AMPH: variants seen among roughly 807,000 people sequenced by gnomAD.
AMPH encodes the protein amphiphysin (Stiff-Mann syndrome with breast cancer 128kD autoantigen).
A neutral mutation model predicts 99.1 loss-of-function variants in AMPH; 49 were observed. The ratio of observed to expected loss-of-function variants is 0.49; its 90% CI spans 0.39 to 0.63. The LOEUF (loss-of-function observed/expected upper bound fraction) is 0.63. AMPH is among the 20% of genes least tolerant of loss of function. AMPH has a pLI of 0.00. For missense variants in AMPH, 759 were observed against 863.4 expected, an observed-to-expected ratio of 0.88 and a Z score of 1.52; for synonymous variants, 314 against 317.3, an observed-to-expected ratio of 0.99 and a Z score of 0.11.
intron 1 of AMPH, among the ~76,000 whole-genome samples, chr7:38,604,825 C>A (rs892695879): frequency 6.6e-6 from 1 of 152,136 alleles, no homozygotes; most frequent in Non-Finnish European, 1.5e-5. Flanking sequence ...TTTTCTCACC[C>A]TTTTCTTCTC....
intron 11 of AMPH, among the ~76,000 whole-genome samples, chr7:38,458,885 A>G (rs1787334865): frequency 6.6e-6 from 1 of 152,178 alleles, no homozygotes; most frequent in Non-Finnish European, 1.5e-5. Context: ...AGGCAAGATA[A>G]AGAAATAAAA....
chr7:38,462,262 T>C (rs1787478374), intron 10 of AMPH, among the ~76,000 whole-genome samples: 1 of 152,120 alleles, frequency 6.6e-6, no homozygotes, highest in African/African-American at 2.4e-5. Flanking sequence ...GCTCAACAGG[T>C]TAGGTGTATT....
intron 1 of AMPH, among the ~76,000 whole-genome samples, chr7:38,629,255 A>G (rs1364131201): frequency 3.3e-5 from 5 of 152,116 alleles, no homozygotes; most frequent in Admixed American, 2.0e-4. Flanking sequence ...GCATATCCTG[A>G]TGCTACACAG....
chr7:38,494,552 C>G, intron 3 of AMPH, 25 bp from the exon 4 acceptor site: 1 of 1,592,634 alleles, frequency 6.3e-7, no homozygotes, highest in South Asian at 1.1e-5. Context: ...AAACAACTCC[C>G]GTTACACAGA....
intron 2 of AMPH, among the ~76,000 whole-genome samples, chr7:38,510,891 T>C (rs1789513722): frequency 1.3e-5 from 2 of 152,196 alleles, no homozygotes; most frequent in African/African-American, 4.8e-5. Context: ...CACTAGTTTT[T>C]CTCAAAGTCC....
intron 11 of AMPH, among the ~76,000 whole-genome samples, chr7:38,451,326 CACAT>C (rs1787012311): frequency 1.4e-5 from 2 of 146,616 alleles, no homozygotes; most frequent in Non-Finnish European, 3.0e-5. Context: ...CACATATATA[CACAT>C]GTATATATAC....
At chr7:38,421,523 A>C (rs1228175985) in intron 16 of AMPH, among the ~76,000 whole-genome samples, 1 of 152,254 alleles carries the variant, frequency 6.6e-6, no homozygotes, top group Non-Finnish European at 1.5e-5. Context: ...TCTATTGACA[A>C]GGTATGAGAG....
intron 11 of AMPH, among the ~76,000 whole-genome samples, chr7:38,452,396 T>G (rs1218393998): frequency 6.6e-6 from 1 of 152,258 alleles, no homozygotes; most frequent in Non-Finnish European, 1.5e-5. Flanking sequence ...CATCTCATTT[T>G]TCCCAGGTAT....
rs547931417 is a variant in AMPH, at chr7:38,587,865, C to A, written c.69+43418G>T. On this transcript the variant is annotated intron_variant, in intron 1 of 20. Transcript: ENST00000356264. ...CTCCTCTATAATCGTGGGTGATCAGCTAGGCTCCACAGCTTCAAAATGCTG... is the reference window on the plus strand; with the variant it reads ...CTCCTCTATAATCGTGGGTGATCAGATAGGCTCCACAGCTTCAAAATGCTG... 3.2e-4 allele frequency among the ~76,000 whole-genome samples: 48 copies of A among 151,726 alleles called. No individual in the cohort carries two copies. The South Asian group carries it at 5.2e-3, about 16-fold the overall frequency.
In AMPH at chr7:38,390,961, C is replaced by CAGAGAG. The variant is rs199667568; in HGVS notation, c.1878+781_1878+786dup. On this transcript the variant is annotated intron_variant, in intron 19 of 20. Transcript: ENST00000356264. The stretch of plus-strand genomic sequence containing the variant: ...ACTTTCTAATGGAGAGAGACAAAGA[C>CAGAGAG]AGAGAGAGAGAGAGAGAGAGAGAGA... Among the ~76,000 whole-genome samples, 900 of 129,016 alleles carry CAGAGAG rather than the reference C, an allele frequency of 7.0e-3. 7 individuals are homozygous for CAGAGAG. Among genetic ancestry groups the CAGAGAG allele is most frequent in the East Asian group, 0.012 (43 of 3,674 alleles). 84.6% of individuals were successfully genotyped at this position (129,016 alleles called of 152,430 possible). A position where few individuals can be genotyped will look rare whatever the true frequency, so the allele number is the denominator to read the frequency against.
intron 17 of AMPH, among the ~76,000 whole-genome samples, chr7:38,416,688 C>G (rs530281083): frequency 6.6e-6 from 1 of 152,184 alleles, no homozygotes; most frequent in East Asian, 1.9e-4. Flanking sequence ...GTAGACAGAT[C>G]ACCATTGGAC....
chr7:38,626,993 T>A (rs543226933), intron 1 of AMPH, among the ~76,000 whole-genome samples: 1 of 152,276 alleles, frequency 6.6e-6, no homozygotes, highest in South Asian at 2.1e-4. Context: ...CAGGGACGCC[T>A]CTGTGAATAT....
intron 2 of AMPH, among the ~76,000 whole-genome samples, chr7:38,522,360 T>C (rs992958310): frequency 2.6e-5 from 4 of 152,308 alleles, no homozygotes; most frequent in African/African-American, 9.6e-5. Flanking sequence ...ATTTGTTCTA[T>C]TGACATTGAT....
intron 1 of AMPH, among the ~76,000 whole-genome samples, chr7:38,595,086 CA>C (rs1793003659): frequency 1.3e-5 from 2 of 152,146 alleles, no homozygotes; most frequent in South Asian, 4.1e-4. Context: ...TGCTAATGGC[CA>C]GGGCTCTGAG....
Position 38,518,424 on chromosome 7 carries a change from G to A in AMPH, c.151-14720C>T, listed in dbSNP as rs535957602. On this transcript the variant is annotated intron_variant, in intron 2 of 20. Transcript: ENST00000356264. ...GGTGAACTGAGCCTAGCAAAGTCACGGGGGCAGGACTTCCTGAGGCCATGG... is the reference window on the plus strand; with the variant it reads ...GGTGAACTGAGCCTAGCAAAGTCACAGGGGCAGGACTTCCTGAGGCCATGG... 9.2e-5 allele frequency among the ~76,000 whole-genome samples: 14 copies of A among 152,278 alleles called. No homozygotes were observed. The South Asian group carries it at 2.1e-3, about 23-fold the overall frequency.
At chr7:38,393,954 A>G in intron 18 of AMPH, 51 bp downstream of exon 18, 8 of 1,582,932 alleles carry the variant, frequency 5.1e-6, no homozygotes, top group African/African-American at 1.3e-5. Context: ...CAGAGCACCC[A>G]GCCCATGCTA....
intron 1 of AMPH, among the ~76,000 whole-genome samples, chr7:38,572,295 T>C (rs548234487): frequency 1.3e-5 from 2 of 152,276 alleles, no homozygotes; most frequent in East Asian, 3.9e-4. Flanking sequence ...CCTACAGTTA[T>C]CTACAGTATT....
intron 7 of AMPH, among the ~76,000 whole-genome samples, chr7:38,467,527 C>T (rs1014450204): frequency 6.6e-5 from 10 of 151,994 alleles, no homozygotes; most frequent in Non-Finnish European, 1.0e-4. Context: ...CAACAAAGGA[C>T]CTATCCAACT....
rs1395463182 is a variant in AMPH, at chr7:38,465,456, C to T, written c.749+11G>A. The T allele has an allele frequency of 1.9e-6, 3 of 1,565,534 alleles. No individual in the cohort carries two copies. The highest frequency in any genetic ancestry group is 2.6e-6 in the Non-Finnish European group (3 of 1,153,046). On this transcript the variant is annotated intron_variant, in intron 9 of 20. Coordinates refer to ENST00000356264, the MANE Select transcript of AMPH (RefSeq NM_001635.4). ...AGGACATTACAGGTGCTCCAATGAG[C>T]AGGGGCCTACCTGGGCGCTCCTTGG...
Sources: gnomAD v4.1 joint callset for allele counts (sites outside exome capture counted in the v4.1 genomes callset) on GRCh38, gnomAD v4.1.1 for gene constraint, MANE v1.5 for transcripts, NCBI Gene and HGNC (gene_info 2026-07-23, HGNC 2026-07-21) for gene names.